Variants in NBPF9 observed in about 807,000 individuals in gnomAD.
The protein encoded by NBPF9 is NBPF family member NBPF9.
Under a neutral mutation model 97.8 loss-of-function variants are expected in NBPF9, and 91 were observed. The observed-to-expected ratio is 0.93, with a 90% CI of 0.79 to 1.11. The LOEUF is 1.11. NBPF9 is among the 50% of genes least tolerant of loss of function. The probability of loss-of-function intolerance (pLI) is 0.00; values close to 1 mark genes in which losing one functional copy is unlikely to be tolerated. For missense variants in NBPF9, 992 were observed against 939.5 expected, an observed-to-expected ratio of 1.06 and a Z score of -0.73; for synonymous variants, 334 against 359.5, an observed-to-expected ratio of 0.93 and a Z score of 0.80.
In NBPF9 at chr1:149,064,035, C is replaced by CACAAAA. The variant is rs1357284871; in HGVS notation, c.1854-231_1854-230insTTTTGT. Among the ~76,000 whole-genome samples, 4 of 133,026 alleles carry CACAAAA rather than the reference C, an allele frequency of 3.0e-5. 1 individual carries two copies. Among genetic ancestry groups the CACAAAA allele is most frequent in the African/African-American group, 8.8e-5 (3 of 33,938 alleles). 87.3% of individuals were successfully genotyped at this position (133,026 alleles called of 152,430 possible). A position where few individuals can be genotyped will look rare whatever the true frequency, so the allele number is the denominator to read the frequency against. ...AGACACAGACACACACACACACACACACAGAGCGAGCTGAGTGATTTGGTC... is the reference window on the plus strand; with the variant it reads ...AGACACAGACACACACACACACACACACAAAAACAGAGCGAGCTGAGTGATTTGGTC... On this transcript the variant is annotated intron_variant, in intron 19 of 29. Coordinates refer to ENST00000584027, the Ensembl canonical transcript of NBPF9.
intron 26 of NBPF9, 187 bp downstream of exon 26, chr1:149,058,738 C>G (rs1270189759): frequency 1.9e-6 from 1 of 531,234 alleles, no homozygotes; most frequent in Admixed American, 3.0e-5. Context: ...TAGAGCCTTG[C>G]TCACTGACCC....
intron 11 of NBPF9, among the ~76,000 whole-genome samples, chr1:149,076,417 G>A (rs1313413793): frequency 1.3e-5 from 2 of 151,002 alleles, no homozygotes; most frequent in Admixed American, 6.6e-5. Context: ...GGCTGGTTTC[G>A]AACTCCTGAG....
At chr1:149,064,813 T>C (rs2078924994) in intron 18 of NBPF9, 1 of 564,144 alleles carries the variant, frequency 1.8e-6, no homozygotes, top group South Asian at 2.1e-5. Flanking sequence ...ACTTCAATAT[T>C]AAGCTTTCTC....
chr1:149,070,937 G>T (rs782246780), exon 16 of NBPF9: 136 of 1,612,348 alleles, frequency 8.4e-5, no homozygotes, highest in Non-Finnish European at 1.0e-4. Flanking sequence ...AGGCTACCTG[G>T]AATAATGTGT....
Position 149,075,872 on chromosome 1 carries a change from G to C in NBPF9, c.779-8C>G. 1 of 1,033,072 alleles carries C rather than the reference G, an allele frequency of 9.7e-7. No homozygotes were observed. Among genetic ancestry groups the C allele is most frequent in the Non-Finnish European group, 1.5e-6 (1 of 653,750 alleles). 64.0% of individuals were successfully genotyped at this position (1,033,072 alleles called of 1,614,324 possible). On this transcript the variant is annotated splice_region_variant and splice_polypyrimidine_tract_variant and intron_variant, in intron 11 of 29. Coordinates refer to ENST00000584027, the Ensembl canonical transcript of NBPF9. ...AAGAGGTGGGGCCAGGGACTGGGGA[G>C]AAGAAAGGCAAACACATGATGGGTT...
In NBPF9 at chr1:149,071,454, G is replaced by T; in HGVS notation, c.1379+150C>A. The T allele has an allele frequency of 1.9e-6, 2 of 1,056,216 alleles. 1 individual carries two copies. The highest frequency in any genetic ancestry group is 2.9e-6 in the Non-Finnish European group (2 of 693,938). 65.4% of individuals were successfully genotyped at this position (1,056,216 alleles called of 1,614,324 possible). Reference sequence around the variant, plus strand: ...CACATAGAGAAACATGACAGCTGCCGCACCCTGTGTCTAAGCTGGGTTCAA... The same window carrying T: ...CACATAGAGAAACATGACAGCTGCCTCACCCTGTGTCTAAGCTGGGTTCAA... On this transcript the variant is annotated intron_variant, in intron 15 of 29. Coordinates refer to ENST00000584027, the Ensembl canonical transcript of NBPF9.
At chr1:149,078,400 T>C (rs2080097138) in intron 9 of NBPF9, among the ~76,000 whole-genome samples, 1 of 116,364 alleles carries the variant, frequency 8.6e-6, no homozygotes, top group Non-Finnish European at 1.8e-5. Context: ...TGGCTTCTGC[T>C]GTGTTATTCA....
Position 149,103,300 on chromosome 1 carries a change from C to T in NBPF9, c.-843+1G>A, listed in dbSNP as rs1341371924. 6.6e-6 allele frequency: 1 copy of T among 151,706 alleles called. No homozygotes were observed. The highest frequency in any genetic ancestry group is 1.5e-5 in the Non-Finnish European group (1 of 67,904). 9.4% of individuals were successfully genotyped at this position (151,706 alleles called of 1,614,324 possible). A position where few individuals can be genotyped will look rare whatever the true frequency, so the allele number is the denominator to read the frequency against. ...CGCCCGGCCTGGCGCGGCGCCTTCA[C>T]CTCGGAAACGCTGGGTGGACTTCGC... On this transcript the variant is annotated splice_donor_variant, in intron 1 of 29. Coordinates refer to ENST00000584027, the Ensembl canonical transcript of NBPF9. LOFTEE classifies it low-confidence loss of function (5UTR_SPLICE).
Position 149,060,355 on chromosome 1 carries a change from A to C in NBPF9, c.2476+168T>G, listed in dbSNP as rs879240191. ...AGTCTTGCCCACTGACCCATCCCTC[A>C]TCTGGGCTTCCAGGTAGAACTAGAG... On this transcript the variant is annotated intron_variant, in intron 24 of 29. Transcript: ENST00000584027. 137 of 472,720 alleles carry C rather than the reference A, an allele frequency of 2.9e-4. 43 individuals are homozygous for C. In the Middle Eastern group the frequency reaches 3.4e-3, roughly 12 times the overall value. The allele number at this position is 472,720 out of a possible 1,614,324, so 29.3% of individuals were successfully genotyped here. A position where few individuals can be genotyped will look rare whatever the true frequency, so the allele number is the denominator to read the frequency against.
chr1:149,102,749 A>T lies in NBPF9; in HGVS notation c.-744T>A, dbSNP rs80036179. 5.3e-5 allele frequency: 8 copies of T among 152,038 alleles called. No homozygotes were observed. In the East Asian group the frequency reaches 5.8e-4, roughly 11 times the overall value. The allele number at this position is 152,038 out of a possible 1,614,324, so 9.4% of individuals were successfully genotyped here. A position where few individuals can be genotyped will look rare whatever the true frequency, so the allele number is the denominator to read the frequency against. ...CCTACCGGAAATCCTGCGGTGAATT[A>T]GAGGCCTGCCCCGCTAGTCATGAGG... On this transcript the variant is annotated 5_prime_UTR_variant, in exon 2 of 30. The change abolishes the stop of an existing upstream ORF in the 5' untranslated region. Transcript: ENST00000584027.
intron 15 of NBPF9, among the ~76,000 whole-genome samples, 152 bp downstream of exon 15, chr1:149,071,452 C>T (rs1253936336): frequency 2.0e-5 from 3 of 148,186 alleles, no homozygotes; most frequent in African/African-American, 7.6e-5. Flanking sequence ...ATGACAGCTG[C>T]CGCACCCTGT....
chr1:149,060,318 G>A lies in NBPF9; in HGVS notation c.2476+205C>T. Reference sequence around the variant, plus strand: ...TCAGGGCGCCACAGGTATGGCCTGAGACTAGGAAGAGAGTCTTGCCCACTG... The same window carrying A: ...TCAGGGCGCCACAGGTATGGCCTGAAACTAGGAAGAGAGTCTTGCCCACTG... On this transcript the variant is annotated intron_variant, in intron 24 of 29. Transcript: ENST00000584027. 2 of 418,514 alleles carry A rather than the reference G, an allele frequency of 4.8e-6. 1 individual carries two copies. The highest frequency in any genetic ancestry group is 8.8e-6 in the Non-Finnish European group (2 of 226,804). 25.9% of individuals were successfully genotyped at this position (418,514 alleles called of 1,614,324 possible). A position where few individuals can be genotyped will look rare whatever the true frequency, so the allele number is the denominator to read the frequency against.
Position 149,102,804 on chromosome 1 carries a change from A to T in NBPF9, c.-799T>A, listed in dbSNP as rs1379576407. On this transcript the variant is annotated 5_prime_UTR_variant, in exon 2 of 30. The change abolishes an upstream ATG in the 5' untranslated region. Coordinates refer to ENST00000584027, the Ensembl canonical transcript of NBPF9. ...TCAGTGACGGCTACAAACGCTCCTC[A>T]TGTGCATCCTGGACTTGGTACACCC... The T allele has an allele frequency of 1.3e-5, 2 of 152,110 alleles. No homozygotes were observed. Among genetic ancestry groups the T allele is most frequent in the Non-Finnish European group, 2.9e-5 (2 of 68,042 alleles). 9.4% of individuals were successfully genotyped at this position (152,110 alleles called of 1,614,324 possible).
At chr1:149,084,636 C>T (rs1471823333) in intron 5 of NBPF9, among the ~76,000 whole-genome samples, 12 of 151,122 alleles carry the variant, frequency 7.9e-5, no homozygotes, top group East Asian at 5.9e-4. Flanking sequence ...TCGTGGCGGA[C>T]GGGACCTGTT....
chr1:149,074,524 A>C (rs1324817318), intron 12 of NBPF9, among the ~76,000 whole-genome samples: 1 of 151,522 alleles, frequency 6.6e-6, no homozygotes, highest in Non-Finnish European at 1.5e-5. Flanking sequence ...TAGGAGACTG[A>C]CAAGAAACAG....
chr1:149,064,310 G>A, intron 19 of NBPF9, 121 bp downstream of exon 19: 1 of 768,640 alleles, frequency 1.3e-6, no homozygotes, highest in Non-Finnish European at 2.1e-6. Flanking sequence ...CAATGTAGTA[G>A]GCATAATTCA....
At chr1:149,084,383 C>A (rs1465657584) in intron 5 of NBPF9, among the ~76,000 whole-genome samples, 1 of 144,772 alleles carries the variant, frequency 6.9e-6, no homozygotes, top group African/African-American at 2.5e-5. Context: ...ATATATAATA[C>A]GTGTATATAC....
chr1:149,086,869 A>C (rs1553658637), intron 5 of NBPF9, among the ~76,000 whole-genome samples: 1 of 152,050 alleles, frequency 6.6e-6, no homozygotes, highest in African/African-American at 2.4e-5. Context: ...ACACATACAG[A>C]TCATTGTGCA....
intron 5 of NBPF9, chr1:149,090,323 A>G (rs2081334236): frequency 1.2e-5 from 2 of 167,792 alleles, no homozygotes; most frequent in South Asian, 1.5e-4. Context: ...CTGTGTCCAG[A>G]CATTCCTGGT....
Sources: gnomAD v4.1 joint callset for allele counts (sites outside exome capture counted in the v4.1 genomes callset) on GRCh38, gnomAD v4.1.1 for gene constraint, MANE v1.5 for transcripts, NCBI Gene and HGNC (gene_info 2026-07-23, HGNC 2026-07-21) for gene names.